Variants in PTPRM observed in about 807,000 individuals in gnomAD.
PTPRM encodes the protein receptor-type tyrosine-protein phosphatase mu.
Under a neutral mutation model 186.7 loss-of-function variants are expected in PTPRM, and 47 were observed. That is an observed-to-expected ratio of 0.25 (90% CI 0.20 to 0.32). PTPRM has a LOEUF of 0.32. PTPRM is among the 10% of genes least tolerant of loss of function. The probability of loss-of-function intolerance (pLI) is 1.00; values close to 1 mark genes in which losing one functional copy is unlikely to be tolerated. For missense variants in PTPRM, 1,494 were observed against 1,865.0 expected, an observed-to-expected ratio of 0.80 and a Z score of 3.66; for synonymous variants, 668 against 674.9, an observed-to-expected ratio of 0.99 and a Z score of 0.16.
intron 1 of PTPRM, among the ~76,000 whole-genome samples, chr18:7,570,915 T>C (rs1170162731): frequency 6.7e-6 from 1 of 148,990 alleles, no homozygotes; most frequent in Admixed American, 6.8e-5. Context: ...TTACTTATAA[T>C]GATGGATTTC....
intron 7 of PTPRM, among the ~76,000 whole-genome samples, chr18:7,965,099 G>A (rs1350527340): frequency 2.1e-5 from 3 of 142,596 alleles, no homozygotes; most frequent in Non-Finnish European, 3.0e-5. Context: ...AGTGCAATGT[G>A]CAATGGCATG....
At chr18:7,819,332 G>C (rs2045037626) in intron 2 of PTPRM, among the ~76,000 whole-genome samples, 1 of 152,284 alleles carries the variant, frequency 6.6e-6, no homozygotes, top group Non-Finnish European at 1.5e-5. Flanking sequence ...TACACAAGCT[G>C]CTGGATGTTG....
chr18:7,726,948 G>A (rs1284866205), intron 1 of PTPRM, among the ~76,000 whole-genome samples: 1 of 152,174 alleles, frequency 6.6e-6, no homozygotes, highest in East Asian at 1.9e-4. Flanking sequence ...CTTGACAGCA[G>A]TTCATAGAAA....
intron 32 of PTPRM, chr18:8,403,429 G>T (rs561935842): frequency 3.3e-5 from 5 of 152,114 alleles, no homozygotes; most frequent in African/African-American, 4.8e-5. Context: ...TATAACATTC[G>T]ATTGTAATCA....
At chr18:8,123,376 A>G (rs1039810413) in intron 13 of PTPRM, among the ~76,000 whole-genome samples, 1 of 152,254 alleles carries the variant, frequency 6.6e-6, no homozygotes, top group Non-Finnish European at 1.5e-5. Flanking sequence ...AACTCATGGT[A>G]GTAAATTACA....
intron 1 of PTPRM, among the ~76,000 whole-genome samples, chr18:7,663,283 AACTCT>A (rs1198624829): frequency 2.2e-4 from 34 of 151,558 alleles, no homozygotes; most frequent in African/African-American, 7.1e-4. Context: ...TTAAAAACTT[AACTCT>A]ACTGGTGACC....
chr18:7,952,731 C>T (rs1599699463), intron 6 of PTPRM, among the ~76,000 whole-genome samples: 2 of 151,496 alleles, frequency 1.3e-5, no homozygotes, highest in Admixed American at 1.3e-4. Context: ...GTTGGCCGGG[C>T]GTGGTGGCTC....
chr18:8,200,159 C>G (rs1601172877), intron 14 of PTPRM, among the ~76,000 whole-genome samples: 1 of 152,084 alleles, frequency 6.6e-6, no homozygotes, highest in Non-Finnish European at 1.5e-5. Context: ...TCTACAGTTA[C>G]AAGGCCTTAA....
chr18:7,763,949 C>CT (rs543411722), intron 1 of PTPRM, among the ~76,000 whole-genome samples: 2,312 of 139,528 alleles, frequency 0.017, 42 homozygotes, highest in African/African-American at 0.053. Flanking sequence ...AAATGCAATT[C>CT]TTTTTTTTTT....
At chr18:7,728,253 A>G (rs902380775) in intron 1 of PTPRM, among the ~76,000 whole-genome samples, 3 of 152,186 alleles carry the variant, frequency 2.0e-5, no homozygotes, top group African/African-American at 7.2e-5. Context: ...CAGGATTTTG[A>G]CTCCTTAGTT....
chr18:8,105,450 A>C (rs1322419896), intron 11 of PTPRM, among the ~76,000 whole-genome samples: 2 of 152,226 alleles, frequency 1.3e-5, no homozygotes, highest in Non-Finnish European at 2.9e-5. Flanking sequence ...CTTTGAAAAG[A>C]AGCTTTAAAA....
At chr18:7,736,793 G>A (rs2040779442) in intron 1 of PTPRM, among the ~76,000 whole-genome samples, 1 of 152,132 alleles carries the variant, frequency 6.6e-6, no homozygotes, top group Admixed American at 6.5e-5. Context: ...TTAACTACTG[G>A]GTTTAGGCCA....
At chr18:7,712,794 A>G (rs189853548) in intron 1 of PTPRM, among the ~76,000 whole-genome samples, 10 of 152,118 alleles carry the variant, frequency 6.6e-5, no homozygotes, top group South Asian at 2.1e-4. Context: ...ACTTAATGAA[A>G]TAAAGCATGA....
chr18:8,098,552 C>T (rs753141395), intron 11 of PTPRM, among the ~76,000 whole-genome samples: 94 of 152,166 alleles, frequency 6.2e-4, no homozygotes, highest in Non-Finnish European at 9.6e-4. Flanking sequence ...TATCATGAAC[C>T]TTCCATAGAA....
chr18:7,898,869 G>A (rs1022243444), intron 3 of PTPRM, among the ~76,000 whole-genome samples: 2 of 152,182 alleles, frequency 1.3e-5, no homozygotes, highest in African/African-American at 2.4e-5. Flanking sequence ...AGAGAACACT[G>A]AATTAGTGAA....
intron 14 of PTPRM, among the ~76,000 whole-genome samples, chr18:8,201,354 A>G (rs528216262): frequency 1.3e-4 from 20 of 152,182 alleles, no homozygotes; most frequent in Non-Finnish European, 2.5e-4. Context: ...CTAAAATATA[A>G]TCTTCGGTTT....
At chr18:8,374,846 A>C (rs2148478589) in intron 24 of PTPRM, among the ~76,000 whole-genome samples, 1 of 152,370 alleles carries the variant, frequency 6.6e-6, no homozygotes, top group South Asian at 2.1e-4. Context: ...TTCAAAGCAC[A>C]TAAAAATTCT....
chr18:8,030,922 T>C (rs1028167052), intron 7 of PTPRM, among the ~76,000 whole-genome samples: 2 of 152,224 alleles, frequency 1.3e-5, no homozygotes, highest in Non-Finnish European at 2.9e-5. Context: ...TAGAATAAAA[T>C]GCCTGTGTAC....
At chr18:8,108,191 T>C (rs2091604740) in intron 11 of PTPRM, among the ~76,000 whole-genome samples, 1 of 152,210 alleles carries the variant, frequency 6.6e-6, no homozygotes, top group Non-Finnish European at 1.5e-5. Context: ...TCAATACTAA[T>C]ATCTATTCTT....
Sources: allele counts gnomAD v4.1 joint callset (sites outside exome capture counted in the v4.1 genomes callset), GRCh38; gene constraint gnomAD v4.1.1; transcripts MANE v1.5; gene names NCBI Gene and HGNC (gene_info 2026-07-23, HGNC 2026-07-21).